Variants in NOS1 observed in about 807,000 individuals in gnomAD.
NOS1 encodes NOS type I.
A neutral mutation model predicts 164.5 loss-of-function variants in NOS1; 51 were observed. The ratio of observed to expected loss-of-function variants is 0.31; its 90% CI spans 0.25 to 0.39. NOS1 has a LOEUF of 0.39. NOS1 is among the 10% of genes least tolerant of loss of function. NOS1 has a pLI of 1.00. For missense variants in NOS1, 1,362 were observed against 1,885.6 expected, an observed-to-expected ratio of 0.72 and a Z score of 5.14; for synonymous variants, 719 against 745.8, an observed-to-expected ratio of 0.96 and a Z score of 0.59.
chr12:117,313,318 A>G (rs1874522923), intron 2 of NOS1, among the ~76,000 whole-genome samples: 2 of 152,030 alleles, frequency 1.3e-5, no homozygotes, highest in Admixed American at 1.3e-4. Flanking sequence ...TTTTTTGGAG[A>G]CAGTCTCGCC....
At chr12:117,309,074 CTT>C (rs1198386176) in intron 3 of NOS1, among the ~76,000 whole-genome samples, 2 of 152,128 alleles carry the variant, frequency 1.3e-5, no homozygotes, top group African/African-American at 4.8e-5. Context: ...CTTTCTTTCT[CTT>C]GTGAGGGCTC....
chr12:117,319,961 A>G (rs190593219), intron 2 of NOS1, among the ~76,000 whole-genome samples: 5 of 152,338 alleles, frequency 3.3e-5, no homozygotes, highest in East Asian at 1.9e-4. Context: ...ACTGATGCCC[A>G]AAGAAGTCAA....
At chr12:117,334,939 T>C (rs1286473872) in intron 1 of NOS1, among the ~76,000 whole-genome samples, 2 of 152,124 alleles carry the variant, frequency 1.3e-5, no homozygotes, top group Non-Finnish European at 2.9e-5. Flanking sequence ...AGGGAAGAGT[T>C]TTAAGGTCCT....
intron 11 of NOS1, among the ~76,000 whole-genome samples, chr12:117,265,976 T>G (rs1050156270): frequency 4.6e-5 from 7 of 151,466 alleles, no homozygotes; most frequent in South Asian, 2.1e-4. Flanking sequence ...TTTTTTGTAT[T>G]TTTTAGTAGA....
chr12:117,296,095 G>C (rs188409867), intron 3 of NOS1, among the ~76,000 whole-genome samples: 1 of 152,190 alleles, frequency 6.6e-6, no homozygotes, highest in East Asian at 1.9e-4. Context: ...TGTAGATATA[G>C]ATTTACATTT....
chr12:117,360,283 C>A (rs1319351176), intron 1 of NOS1, among the ~76,000 whole-genome samples: 3 of 152,056 alleles, frequency 2.0e-5, no homozygotes, highest in African/African-American at 7.2e-5. Context: ...GAGCGTCTGG[C>A]GTCCTCTGGG....
chr12:117,213,163 T>G lies in NOS1; in HGVS notation c.*2146A>C. The G allele has an allele frequency of 1.0e-6, 1 of 985,474 alleles. No homozygotes were observed. Among genetic ancestry groups the G allele is most frequent in the Non-Finnish European group, 1.2e-6 (1 of 829,950 alleles). The allele number at this position is 985,474 out of a possible 1,614,324, so 61.0% of individuals were successfully genotyped here. A position where few individuals can be genotyped will look rare whatever the true frequency, so the allele number is the denominator to read the frequency against. On this transcript the variant is annotated 3_prime_UTR_variant, in exon 29 of 29. Transcript: ENST00000317775. ...TGGAAAAGCATTCCTGCATAAAGCT[T>G]GACTTGGAGTGGGAAGCACTGATCA...
At chr12:117,321,129 C>A (rs1325390044) in intron 2 of NOS1, among the ~76,000 whole-genome samples, 1 of 152,190 alleles carries the variant, frequency 6.6e-6, no homozygotes, top group Non-Finnish European at 1.5e-5. Flanking sequence ...CCTGCCTCAG[C>A]CTCCTGGGTA....
At position 117,220,068 on chromosome 12, in the gene NOS1, C is replaced by A. The variant is rs1434404419; in HGVS notation, c.4170+7G>T. ...AAAGGGACCTGGGAAGTCAGCCTGT[C>A]ACTCACCCTCATCCGGCTGATGAAT... On this transcript the variant is annotated splice_region_variant and intron_variant, in intron 27 of 28. Transcript: ENST00000317775. 3 of 1,598,258 alleles carry A rather than the reference C, an allele frequency of 1.9e-6. No homozygotes were observed. In the South Asian group the frequency reaches 3.4e-5, roughly 18 times the overall value.
chr12:117,324,893 C>T (rs970028539), intron 2 of NOS1, among the ~76,000 whole-genome samples: 4 of 152,178 alleles, frequency 2.6e-5, no homozygotes, highest in South Asian at 2.1e-4. Context: ...CACTTCTCCT[C>T]CCACGTAAGT....
chr12:117,304,301 C>A (rs1200957871), intron 3 of NOS1, among the ~76,000 whole-genome samples: 1 of 152,160 alleles, frequency 6.6e-6, no homozygotes, highest in Non-Finnish European at 1.5e-5. Context: ...CATTCCCTTG[C>A]CTATAATGCC....
chr12:117,231,364 A>G (rs1292531947), intron 22 of NOS1, among the ~76,000 whole-genome samples: 2 of 152,090 alleles, frequency 1.3e-5, no homozygotes, highest in African/African-American at 2.4e-5. Context: ...AGATCTAGAC[A>G]AGGTGACTAT....
At chr12:117,337,895 A>G (rs1239625985) in intron 1 of NOS1, among the ~76,000 whole-genome samples, 1 of 152,074 alleles carries the variant, frequency 6.6e-6, no homozygotes, top group Non-Finnish European at 1.5e-5. Context: ...CCTGTGCAAC[A>G]TAGTGATATC....
rs567213630 is a variant in NOS1 at position 117,233,106 on chromosome 12, G to C, written c.3236-975C>G. 8.9e-5 allele frequency among the ~76,000 whole-genome samples: 13 copies of C among 145,796 alleles called. 1 individual carries two copies. In the South Asian group the frequency reaches 2.8e-3, roughly 32 times the overall value. ...CCAGGCTGGAGTGCAATGGTGTGAT[G>C]GTGTGATCTTGGCTCACTGCAACCT... On this transcript the variant is annotated intron_variant, in intron 21 of 28. Coordinates refer to ENST00000317775, the MANE Select transcript of NOS1 (RefSeq NM_000620.5).
rs1956517936 is a variant in NOS1, at chr12:117,210,946, T to TTTTAC, written c.*4362_*4363insGTAAA. On this transcript the variant is annotated 3_prime_UTR_variant, in exon 29 of 29. Coordinates refer to ENST00000317775, the MANE Select transcript of NOS1 (RefSeq NM_000620.5). ...TCTCAGCTAGGGGCAAGATGTTTTATTTTATTTTATTTTATTTTATTTTTT... is the reference window on the plus strand; with the variant it reads ...TCTCAGCTAGGGGCAAGATGTTTTATTTTACTTTATTTTATTTTATTTTATTTTTT... The TTTTAC allele has an allele frequency of 1.0e-6, 1 of 956,674 alleles. No individual in the cohort carries two copies. The highest frequency in any genetic ancestry group is 1.2e-6 in the Non-Finnish European group (1 of 805,704). 59.3% of individuals were successfully genotyped at this position (956,674 alleles called of 1,614,324 possible). A position where few individuals can be genotyped will look rare whatever the true frequency, so the allele number is the denominator to read the frequency against.
At chr12:117,357,495 CA>C (rs1315290860) in intron 1 of NOS1, among the ~76,000 whole-genome samples, 11 of 152,198 alleles carry the variant, frequency 7.2e-5, no homozygotes, top group African/African-American at 2.4e-4. Context: ...GAGGATTGGA[CA>C]ATAAGTCAAG....
intron 8 of NOS1, among the ~76,000 whole-genome samples, chr12:117,279,034 TA>T (rs1873411876): frequency 6.6e-6 from 1 of 151,864 alleles, no homozygotes; most frequent in South Asian, 2.1e-4. Flanking sequence ...ATTAATTTGT[TA>T]ATAAATATAT....
chr12:117,335,016 G>A (rs1291222119), intron 1 of NOS1, among the ~76,000 whole-genome samples: 2 of 152,132 alleles, frequency 1.3e-5, no homozygotes, highest in Admixed American at 6.5e-5. Flanking sequence ...TCCAAAATGC[G>A]GTCATTTGTA....
intron 1 of NOS1, among the ~76,000 whole-genome samples, chr12:117,334,422 A>C (rs1014072870): frequency 1.5e-4 from 23 of 152,018 alleles, no homozygotes; most frequent in African/African-American, 5.5e-4. Context: ...TTTTAGACAG[A>C]GTCTCACTCT....
Sources: allele counts gnomAD v4.1 joint callset (sites outside exome capture counted in the v4.1 genomes callset), GRCh38; gene constraint gnomAD v4.1.1; transcripts MANE v1.5; gene names NCBI Gene and HGNC (gene_info 2026-07-23, HGNC 2026-07-21).